The following EPB41L4A variants were observed in gnomAD, a reference collection of about 807,000 sequenced individuals.
EPB41L4A encodes band 4.1-like protein 4A.
A neutral mutation model predicts 108.6 loss-of-function variants in EPB41L4A; 100 were observed. The observed-to-expected ratio is 0.92, with a 90% CI of 0.78 to 1.09. The LOEUF (loss-of-function observed/expected upper bound fraction) is 1.09, where lower values mean the gene tolerates loss of function less well. Ranked by LOEUF, EPB41L4A falls within the 50% of genes least tolerant of loss-of-function variation. The probability of loss-of-function intolerance (pLI) is 0.00; values close to 1 mark genes in which losing one functional copy is unlikely to be tolerated. For missense variants in EPB41L4A, 1,030 were observed against 842.7 expected, an observed-to-expected ratio of 1.22 and a Z score of -2.75; for synonymous variants, 319 against 289.0, an observed-to-expected ratio of 1.10 and a Z score of -1.05.
upstream of EPB41L4A, chr5:112,419,507 T>A: frequency 2.6e-6 from 1 of 386,572 alleles, no homozygotes; most frequent in Non-Finnish European, 5.1e-6. Context: ...GGCCCCGACG[T>A]CCTGGCGTCC....
At chr5:112,216,568 A>T (rs1220231936) in intron 12 of EPB41L4A, among the ~76,000 whole-genome samples, 1 of 152,238 alleles carries the variant, frequency 6.6e-6, no homozygotes, top group Non-Finnish European at 1.5e-5. Flanking sequence ...CTTCAGGTTA[A>T]ATCTTGTCCT....
intron 2 of EPB41L4A, among the ~76,000 whole-genome samples, chr5:112,303,146 AC>A (rs1754473556): frequency 6.6e-6 from 1 of 152,182 alleles, no homozygotes; most frequent in Non-Finnish European, 1.5e-5. Flanking sequence ...TATCACTTAT[AC>A]ATATTTTATC....
chr5:112,208,145 C>G (rs962864583), intron 13 of EPB41L4A, among the ~76,000 whole-genome samples: 3 of 148,460 alleles, frequency 2.0e-5, no homozygotes, highest in Non-Finnish European at 4.4e-5. Flanking sequence ...ACTTGGGAGG[C>G]TGAGGCAGGA....
At chr5:112,219,680 A>T (rs1747908597) in intron 12 of EPB41L4A, among the ~76,000 whole-genome samples, 1 of 152,216 alleles carries the variant, frequency 6.6e-6, no homozygotes, top group Non-Finnish European at 1.5e-5. Context: ...TTAAATATAA[A>T]AAGTAAATTT....
At chr5:112,415,003 T>C (rs1429712099) in intron 1 of EPB41L4A, among the ~76,000 whole-genome samples, 9 of 152,246 alleles carry the variant, frequency 5.9e-5, no homozygotes, top group African/African-American at 1.7e-4. Flanking sequence ...AAGTAGCTGA[T>C]ACCAAAAGAT....
In EPB41L4A at chr5:112,346,216, A is replaced by ATTTTTTTTTTTTTTTTTTTTTTTT. The variant is rs561328868; in HGVS notation, c.100-38750_100-38727dup. Among the ~76,000 whole-genome samples the ATTTTTTTTTTTTTTTTTTTTTTTT allele has an allele frequency of 7.4e-5, 5 of 67,294 alleles. 1 individual carries two copies. Among genetic ancestry groups the ATTTTTTTTTTTTTTTTTTTTTTTT allele is most frequent in the Admixed American group, 2.4e-4 (1 of 4,126 alleles). 44.1% of individuals were successfully genotyped at this position (67,294 alleles called of 152,430 possible). A position where few individuals can be genotyped will look rare whatever the true frequency, so the allele number is the denominator to read the frequency against. On this transcript the variant is annotated intron_variant, in intron 1 of 22. Coordinates refer to ENST00000261486, the MANE Select transcript of EPB41L4A (RefSeq NM_022140.5). ...AATTCTTTAAAGTTAGGTACATTGC[A>ATTTTTTTTTTTTTTTTTTTTTTTT]TTTTTTTTTTTTTTTTTTTTTTTTT...
At chr5:112,389,086 G>A (rs981555039) in intron 1 of EPB41L4A, among the ~76,000 whole-genome samples, 3 of 152,068 alleles carry the variant, frequency 2.0e-5, no homozygotes, top group African/African-American at 7.2e-5. Flanking sequence ...AAATTCTATG[G>A]CTTAGCAGAA....
intron 9 of EPB41L4A, among the ~76,000 whole-genome samples, chr5:112,252,950 T>C (rs895375641): frequency 2.6e-5 from 4 of 152,156 alleles, no homozygotes; most frequent in African/African-American, 9.7e-5. Flanking sequence ...GGCAGTGCTC[T>C]TGTTTCAGTG....
intron 22 of EPB41L4A, among the ~76,000 whole-genome samples, chr5:112,165,426 C>G (rs1760183339): frequency 6.6e-6 from 1 of 152,208 alleles, no homozygotes; most frequent in African/African-American, 2.4e-5. Flanking sequence ...ACCAGGCTCT[C>G]AACCTCACTC....
intron 18 of EPB41L4A, among the ~76,000 whole-genome samples, chr5:112,181,700 T>A (rs4957632): frequency 0.76 from 114,874 of 152,096 alleles, 43,810 homozygotes; most frequent in East Asian, 1. Context: ...TGAGTGAAAG[T>A]AGTAGTATTT....
At chr5:112,186,253 C>A (rs548816844) in intron 17 of EPB41L4A, among the ~76,000 whole-genome samples, 9 of 152,272 alleles carry the variant, frequency 5.9e-5, no homozygotes, top group African/African-American at 2.2e-4. Flanking sequence ...GCTAACAAAG[C>A]TGAGGCCTAA....
intron 2 of EPB41L4A, among the ~76,000 whole-genome samples, chr5:112,286,583 C>A (rs1448688683): frequency 6.6e-6 from 1 of 152,172 alleles, no homozygotes; most frequent in Non-Finnish European, 1.5e-5. Context: ...CTGGCCCCGT[C>A]GACCAACCTG....
At chr5:112,195,842 T>C (rs951890593) in intron 15 of EPB41L4A, 134 bp from the exon 16 acceptor site, 9 of 733,296 alleles carry the variant, frequency 1.2e-5, no homozygotes, top group Admixed American at 9.9e-5. Context: ...ATTTACGTCA[T>C]ATGTATATGC....
chr5:112,159,772 T>C (rs1170027739), downstream of EPB41L4A, among the ~76,000 whole-genome samples: 1 of 152,214 alleles, frequency 6.6e-6, no homozygotes, highest in Non-Finnish European at 1.5e-5. Context: ...GTATAAAATA[T>C]ACACCGGATT....
chr5:112,154,931 C>T (rs550380273), intron 12 of EPB41L4A, among the ~76,000 whole-genome samples: 1 of 152,120 alleles, frequency 6.6e-6, no homozygotes, highest in South Asian at 2.1e-4. Flanking sequence ...GGAACAACTT[C>T]CTAACAACAA....
chr5:112,152,375 CT>C (rs144440256), intron 12 of EPB41L4A, among the ~76,000 whole-genome samples: 6,770 of 152,204 alleles, frequency 0.044, 531 homozygotes, highest in African/African-American at 0.15. Context: ...CTGCTATGGT[CT>C]GAATGTTTAT....
intron 12 of EPB41L4A, chr5:112,146,064 C>T: frequency 2.2e-6 from 1 of 446,424 alleles, no homozygotes; most frequent in East Asian, 7.0e-5. Context: ...GAAGTAGGTG[C>T]TACTGCCTCT....
At chr5:112,278,269 A>G in intron 3 of EPB41L4A, among the ~76,000 whole-genome samples, 1 of 73,018 alleles carries the variant, frequency 1.4e-5, no homozygotes, top group South Asian at 6.0e-4. Flanking sequence ...TTTTTTTTTG[A>G]GATGGAGTCT....
At chr5:112,339,236 T>C (rs1757110130) in intron 1 of EPB41L4A, among the ~76,000 whole-genome samples, 1 of 152,004 alleles carries the variant, frequency 6.6e-6, no homozygotes, top group Non-Finnish European at 1.5e-5. Flanking sequence ...CAGGGCTGGC[T>C]ATCACACCAC....
Sources: allele counts gnomAD v4.1 joint callset (sites outside exome capture counted in the v4.1 genomes callset), GRCh38; gene constraint gnomAD v4.1.1; transcripts MANE v1.5; gene names NCBI Gene and HGNC (gene_info 2026-07-23, HGNC 2026-07-21).